The following DLGAP2 variants were observed in gnomAD, a reference collection of about 807,000 sequenced individuals.
The protein encoded by DLGAP2 is disks large-associated protein 2.
DLGAP2 carries 26 observed loss-of-function variants against 100.3 expected under a neutral mutation model. That is an observed-to-expected ratio of 0.26 (90% confidence interval 0.19 to 0.36). The LOEUF (loss-of-function observed/expected upper bound fraction) is 0.36, where lower values mean the gene tolerates loss of function less well. Among genes scored for constraint, DLGAP2 ranks in the 10% least tolerant of loss-of-function variants. The pLI is 1.00. For missense variants in DLGAP2, 1,858 were observed against 1,453.2 expected, an observed-to-expected ratio of 1.28 and a Z score of -4.53; for synonymous variants, 886 against 630.1, an observed-to-expected ratio of 1.41 and a Z score of -6.08.
intron 1 of DLGAP2, among the ~76,000 whole-genome samples, chr8:841,258 T>G (rs1796978660): frequency 6.6e-6 from 1 of 152,164 alleles, no homozygotes; most frequent in Non-Finnish European, 1.5e-5. Flanking sequence ...ACGGTTATGA[T>G]GAACTCATGC....
At chr8:1,414,828 G>A (rs1411605828) in intron 3 of DLGAP2, among the ~76,000 whole-genome samples, 2 of 152,150 alleles carry the variant, frequency 1.3e-5, no homozygotes, top group Non-Finnish European at 2.9e-5. Context: ...GGCCAACATG[G>A]CAAAACCCCA....
Position 999,147 on chromosome 8 carries a change from A to G in DLGAP2, c.73+91181A>G, listed in dbSNP as rs1426124052. Reference sequence around the variant, plus strand: ...TTTTCTGATATTTGTTATTCTGCACAAAGTTGAGAGTACAGTTAGTGCACC... The same window carrying G: ...TTTTCTGATATTTGTTATTCTGCACGAAGTTGAGAGTACAGTTAGTGCACC... On this transcript the variant is annotated intron_variant, in intron 2 of 14. Coordinates refer to ENST00000637795, the MANE Select transcript of DLGAP2 (RefSeq NM_001346810.2). Among the ~76,000 whole-genome samples the G allele has an allele frequency of 2.0e-5, 3 of 152,046 alleles. No individual in the cohort carries two copies. In the East Asian group the frequency reaches 5.8e-4, roughly 29 times the overall value.
At chr8:841,500 C>T (rs536264196) in intron 1 of DLGAP2, among the ~76,000 whole-genome samples, 2 of 152,168 alleles carry the variant, frequency 1.3e-5, no homozygotes, top group African/African-American at 2.4e-5. Context: ...GAACACGACC[C>T]GGTTACTAGG....
intron 2 of DLGAP2, among the ~76,000 whole-genome samples, chr8:1,199,808 T>G (rs1362916259): frequency 6.6e-6 from 1 of 151,328 alleles, no homozygotes; most frequent in Non-Finnish European, 1.5e-5. Flanking sequence ...ATGATTATTT[T>G]CAGATCAGTG....
rs1344217048 is a variant in DLGAP2, at chr8:1,483,298, C to T, written c.107-18068C>T. Among the ~76,000 whole-genome samples the T allele has an allele frequency of 3.9e-5, 6 of 152,172 alleles. 1 individual carries two copies. Among genetic ancestry groups the T allele is most frequent in the Admixed American group, 6.5e-5 (1 of 15,280 alleles). ...ATGCGTCCCTCTAGACTCTGCCCCA[C>T]GCGTGAGGAAGTGAGCGTGGCGGGC... On this transcript the variant is annotated intron_variant, in intron 3 of 14. Transcript: ENST00000637795.
intron 2 of DLGAP2, among the ~76,000 whole-genome samples, chr8:1,138,678 T>C (rs1319171264): frequency 6.6e-6 from 1 of 152,254 alleles, no homozygotes; most frequent in South Asian, 2.1e-4. Flanking sequence ...TGCAAAAATA[T>C]TTTTTGAAGC....
At chr8:756,166 G>A (rs1047348866) in intron 1 of DLGAP2, among the ~76,000 whole-genome samples, 7 of 152,158 alleles carry the variant, frequency 4.6e-5, no homozygotes, top group African/African-American at 1.7e-4. Flanking sequence ...GTGAGGATGA[G>A]CGGGTTGGGG....
chr8:1,042,101 G>C (rs1802371985), intron 2 of DLGAP2, among the ~76,000 whole-genome samples: 1 of 152,188 alleles, frequency 6.6e-6, no homozygotes, highest in East Asian at 1.9e-4. Context: ...CCCCAACACA[G>C]ACAGGCAGGA....
At chr8:1,635,373 G>A (rs1162802391) in intron 8 of DLGAP2, among the ~76,000 whole-genome samples, 10 of 152,156 alleles carry the variant, frequency 6.6e-5, no homozygotes, top group East Asian at 1.9e-4. Flanking sequence ...TTTCCTGTCC[G>A]TGAGTCAGGC....
At chr8:1,218,620 CTTTT>C (rs1225724286) in intron 2 of DLGAP2, among the ~76,000 whole-genome samples, 1 of 151,858 alleles carries the variant, frequency 6.6e-6, no homozygotes, top group Non-Finnish European at 1.5e-5. Flanking sequence ...TATTCAGGCT[CTTTT>C]TTGTTTTAAT....
At chr8:864,166 G>A (rs187914033) in intron 1 of DLGAP2, among the ~76,000 whole-genome samples, 24 of 152,296 alleles carry the variant, frequency 1.6e-4, no homozygotes, top group Middle Eastern at 3.4e-3. Context: ...AGAGCGTAGA[G>A]TGATGGTTAC....
At position 1,636,033 on chromosome 8, in the gene DLGAP2, C is replaced by G. The variant is rs140087640; in HGVS notation, c.1810+2987C>G. Among the ~76,000 whole-genome samples the G allele has an allele frequency of 2.3e-3, 352 of 152,338 alleles. 6 individuals carry two copies. The highest frequency in any genetic ancestry group is 0.015 in the Admixed American group (228 of 15,306). ...AACGTTCCTTCGTCCCACCGTTTCT[C>G]TCATTATGAAAAACACTGCATATTG... On this transcript the variant is annotated intron_variant, in intron 8 of 14. Coordinates refer to ENST00000637795, the MANE Select transcript of DLGAP2 (RefSeq NM_001346810.2).
At chr8:922,444 G>A (rs1460305293) in intron 2 of DLGAP2, among the ~76,000 whole-genome samples, 1 of 152,164 alleles carries the variant, frequency 6.6e-6, no homozygotes, top group African/African-American at 2.4e-5. Context: ...TTCCAGGAAG[G>A]CATTTTATTG....
intron 4 of DLGAP2, among the ~76,000 whole-genome samples, chr8:1,529,536 G>C (rs1189369183): frequency 1.3e-5 from 2 of 152,136 alleles, no homozygotes; most frequent in Non-Finnish European, 2.9e-5. Context: ...TTTATAGAAA[G>C]CACCAAAAAT....
intron 3 of DLGAP2, among the ~76,000 whole-genome samples, chr8:1,272,917 G>T (rs1288593321): frequency 6.6e-6 from 1 of 152,124 alleles, no homozygotes; most frequent in African/African-American, 2.4e-5. Flanking sequence ...TCATGACCAC[G>T]TAAAAGGTGA....
chr8:1,217,264 T>C (rs1348452438), intron 2 of DLGAP2, among the ~76,000 whole-genome samples: 1 of 152,220 alleles, frequency 6.6e-6, no homozygotes, highest in East Asian at 1.9e-4. Context: ...TCTAGCTGCC[T>C]CCATGTTCCT....
intron 3 of DLGAP2, among the ~76,000 whole-genome samples, chr8:1,355,313 G>A (rs191102926): frequency 6.6e-6 from 1 of 152,240 alleles, no homozygotes; most frequent in Non-Finnish European, 1.5e-5. Context: ...TGGGTGGTGA[G>A]ATTGTCGGAG....
chr8:848,091 C>T (rs551150673), intron 1 of DLGAP2, among the ~76,000 whole-genome samples: 2 of 152,284 alleles, frequency 1.3e-5, no homozygotes, highest in Admixed American at 6.5e-5. Flanking sequence ...CACCTGCCTG[C>T]CTGTTCTCTG....
At chr8:1,484,840 C>A (rs910614652) in intron 3 of DLGAP2, among the ~76,000 whole-genome samples, 2 of 152,148 alleles carry the variant, frequency 1.3e-5, no homozygotes, top group African/African-American at 2.4e-5. Context: ...TCGGCTGTAT[C>A]ACAATATTTC....
Sources: allele counts gnomAD v4.1 joint callset (sites outside exome capture counted in the v4.1 genomes callset), GRCh38; gene constraint gnomAD v4.1.1; transcripts MANE v1.5; gene names NCBI Gene and HGNC (gene_info 2026-07-23, HGNC 2026-07-21).